Variants in ZBTB46 observed in about 807,000 individuals in gnomAD.
ZBTB46 encodes the protein zinc finger and BTB domain-containing protein 46.
Under a neutral mutation model 44.1 loss-of-function variants are expected in ZBTB46, and 8 were observed. The ratio of observed to expected loss-of-function variants is 0.18; its 90% CI spans 0.11 to 0.33. The LOEUF (loss-of-function observed/expected upper bound fraction) is 0.33, where lower values mean the gene tolerates loss of function less well. ZBTB46 is among the 10% of genes least tolerant of loss of function. ZBTB46 has a pLI of 1.00. For synonymous variants in ZBTB46, 409 were observed against 382.3 expected, an observed-to-expected ratio of 1.07 and a Z score of -0.81; for missense variants, 651 against 847.7, an observed-to-expected ratio of 0.77 and a Z score of 2.88.
intron 1 of ZBTB46, among the ~76,000 whole-genome samples, chr20:63,798,704 A>G (rs573168608): frequency 9.5e-6 from 1 of 105,196 alleles, no homozygotes; most frequent in Non-Finnish European, 2.0e-5. Context: ...TTAGCTGGGC[A>G]TGGTAGTGCA....
Position 63,807,920 on chromosome 20 carries a change from AGGGG to A in ZBTB46, c.-33-17134_-33-17131del, listed in dbSNP as rs1568893565. 3.6e-3 allele frequency among the ~76,000 whole-genome samples: 551 copies of A among 151,222 alleles called. 11 individuals are homozygous for A. Among genetic ancestry groups the A allele is most frequent in the East Asian group, 0.012 (60 of 4,876 alleles). On this transcript the variant is annotated intron_variant, in intron 1 of 4. Coordinates refer to ENST00000245663, the MANE Select transcript of ZBTB46 (RefSeq NM_001369741.1). ...CTTGTGCGGCACAGGCCCTTCCCAC[AGGGG>A]ACACTCACGGAAGCTGAACGGACCT...
At chr20:63,815,323 CAGGTGCAGGTGGGCAT>C (rs1202189232) in intron 1 of ZBTB46, among the ~76,000 whole-genome samples, 7 of 137,960 alleles carry the variant, frequency 5.1e-5, no homozygotes, top group South Asian at 4.6e-4. Context: ...CAGATGGGCA[CAGGTGCAGGTGGGCAT>C]AGGTGCAGTA....
chr20:63,820,426 G>A (rs568600021), intron 1 of ZBTB46, among the ~76,000 whole-genome samples: 3 of 149,048 alleles, frequency 2.0e-5, no homozygotes, highest in East Asian at 2.3e-4. Context: ...TTTTTAAGAA[G>A]TATATTATAT....
intron 2 of ZBTB46, among the ~76,000 whole-genome samples, chr20:63,784,372 C>T (rs1038282472): frequency 1.1e-4 from 16 of 152,362 alleles, no homozygotes; most frequent in African/African-American, 3.6e-4. Context: ...TGTCCCCCAT[C>T]TGGAGCTCCC....
At chr20:63,798,692 A>AAAAAAAAC (rs2092622007) in intron 1 of ZBTB46, among the ~76,000 whole-genome samples, 1 of 142,268 alleles carries the variant, frequency 7.0e-6, no homozygotes, top group Non-Finnish European at 1.5e-5. Context: ...AAAAAAAAAA[A>AAAAAAAAC]ATTAGCTGGG....
intron 1 of ZBTB46, among the ~76,000 whole-genome samples, chr20:63,824,080 T>C (rs1189636265): frequency 2.0e-5 from 3 of 152,142 alleles, no homozygotes; most frequent in Non-Finnish European, 4.4e-5. Context: ...GCCAAAGTCC[T>C]CTGTTTCCTT....
intron 2 of ZBTB46, among the ~76,000 whole-genome samples, chr20:63,781,901 C>T (rs1265119541): frequency 4.0e-5 from 6 of 151,596 alleles, no homozygotes; most frequent in African/African-American, 1.2e-4. Flanking sequence ...CTGACTAACA[C>T]GGTGAAACCT....
intron 1 of ZBTB46, among the ~76,000 whole-genome samples, chr20:63,822,540 T>C (rs1226827704): frequency 1.3e-5 from 2 of 152,314 alleles, no homozygotes; most frequent in East Asian, 3.9e-4. Flanking sequence ...TACACCAGAC[T>C]GACAGCTTCC....
chr20:63,795,977 G>T (rs962185351), intron 1 of ZBTB46, among the ~76,000 whole-genome samples: 2 of 152,196 alleles, frequency 1.3e-5, no homozygotes, highest in Non-Finnish European at 2.9e-5. Context: ...TGCTGTTGAG[G>T]ACGCACACTT....
At chr20:63,757,313 C>T (rs1234994155) in intron 3 of ZBTB46, among the ~76,000 whole-genome samples, 8 of 152,072 alleles carry the variant, frequency 5.3e-5, no homozygotes, top group Non-Finnish European at 7.4e-5. Context: ...AGTAGAGACG[C>T]GGTTTCGCCA....
At chr20:63,760,413 A>C (rs1054942680) in intron 3 of ZBTB46, among the ~76,000 whole-genome samples, 10 of 152,104 alleles carry the variant, frequency 6.6e-5, no homozygotes, top group Non-Finnish European at 1.3e-4. Flanking sequence ...TGTGTATAAT[A>C]ATCTTATCTA....
Position 63,767,199 on chromosome 20 carries a change from G to T in ZBTB46, c.1222+8479C>A, listed in dbSNP as rs533110447. Among the ~76,000 whole-genome samples the T allele has an allele frequency of 1.3e-5, 2 of 152,210 alleles. No individual in the cohort carries two copies. The highest frequency in any genetic ancestry group is 4.8e-5 in the African/African-American group (2 of 41,536). On this transcript the variant is annotated intron_variant, in intron 3 of 4. Coordinates refer to ENST00000245663, the MANE Select transcript of ZBTB46 (RefSeq NM_001369741.1). This position sits in a 1 kb window ranked among gnomAD's most constrained non-coding sequence, Gnocchi z 5.0. ...GACGCCGTGGCAGGCTTTGTCTTTC[G>T]ATCTCCCTAGAAAGTTGCTGGGTCG...
At chr20:63,751,294 G>A (rs1330975152) in intron 4 of ZBTB46, among the ~76,000 whole-genome samples, 1 of 152,180 alleles carries the variant, frequency 6.6e-6, no homozygotes, top group African/African-American at 2.4e-5. Context: ...GTGGTCCAGG[G>A]GCCCCCTCCC....
chr20:63,795,103 G>A (rs1444251933), intron 1 of ZBTB46, among the ~76,000 whole-genome samples: 2 of 152,218 alleles, frequency 1.3e-5, no homozygotes, highest in Admixed American at 1.3e-4. Flanking sequence ...CCCTCAGAGG[G>A]ACGCCGCCTC....
intron 1 of ZBTB46, among the ~76,000 whole-genome samples, chr20:63,829,115 G>GTTTCACGGC (rs2092834664): frequency 6.6e-6 from 1 of 152,080 alleles, no homozygotes; most frequent in Admixed American, 6.5e-5. Flanking sequence ...CCGTTCACAG[G>GTTTCACGGC]GTTTACCTCC....
intron 1 of ZBTB46, among the ~76,000 whole-genome samples, chr20:63,818,053 G>A (rs1298613056): frequency 6.6e-6 from 1 of 152,212 alleles, no homozygotes; most frequent in East Asian, 1.9e-4. Flanking sequence ...AGACTGCACG[G>A]CACCACGCTC....
upstream of ZBTB46, among the ~76,000 whole-genome samples, chr20:63,832,766 T>C (rs563835728): frequency 4.6e-5 from 7 of 152,116 alleles, no homozygotes; most frequent in Non-Finnish European, 5.9e-5. The surrounding 1 kb of genome is among the most constrained non-coding windows in gnomAD (Gnocchi z 5.0). Flanking sequence ...GGTCTGAAAC[T>C]GTAGCCCCAG....
In ZBTB46 at chr20:63,823,298, C is replaced by G. The variant is rs568205587; in HGVS notation, c.-34+7799G>C. Among the ~76,000 whole-genome samples, 33 of 152,170 alleles carry G rather than the reference C, an allele frequency of 2.2e-4. No individual in the cohort carries two copies. The South Asian group carries it at 6.9e-3, about 32-fold the overall frequency. On this transcript the variant is annotated intron_variant, in intron 1 of 4. Transcript: ENST00000245663. ...GCACTCGCGCTCAGGAGTTCAAGAC[C>G]AGCGTGGGCAACATGGCAAAACCTG...
At chr20:63,791,866 C>T (rs562343799) in intron 1 of ZBTB46, among the ~76,000 whole-genome samples, 41 of 152,320 alleles carry the variant, frequency 2.7e-4, no homozygotes, top group South Asian at 1.5e-3. Context: ...GTGAGTCCTC[C>T]GCCTGTTCTC....
Sources: allele counts gnomAD v4.1 joint callset (sites outside exome capture counted in the v4.1 genomes callset), GRCh38; gene constraint gnomAD v4.1.1; non-coding constraint Gnocchi (gnomAD v3.1); transcripts MANE v1.5; gene names NCBI Gene and HGNC (gene_info 2026-07-23, HGNC 2026-07-21).